The following NOTCH4 variants were observed in gnomAD, a reference collection of about 807,000 sequenced individuals.
NOTCH4 encodes the protein neurogenic locus notch homolog protein 4.
Under a neutral mutation model 189.0 loss-of-function variants are expected in NOTCH4, and 138 were observed. The ratio of observed to expected loss-of-function variants is 0.73; its 90% CI spans 0.64 to 0.84. The LOEUF (loss-of-function observed/expected upper bound fraction) is 0.84, where lower values mean the gene tolerates loss of function less well. Ranked by LOEUF, NOTCH4 falls within the 40% of genes least tolerant of loss-of-function variation. The probability of loss-of-function intolerance (pLI) is 0.00; values close to 1 mark genes in which losing one functional copy is unlikely to be tolerated. For missense variants in NOTCH4, 2,286 were observed against 2,605.4 expected, an observed-to-expected ratio of 0.88 and a Z score of 2.67; for synonymous variants, 942 against 1,032.8, an observed-to-expected ratio of 0.91 and a Z score of 1.69.
rs1269489067 is a variant in NOTCH4 at position 32,198,432 on chromosome 6, G to C, written c.4745C>G (p.Thr1582Ser). 1 of 1,612,696 alleles carries C rather than the reference G, an allele frequency of 6.2e-7. No homozygotes were observed. The highest frequency in any genetic ancestry group is 1.1e-5 in the South Asian group (1 of 91,064). The part of the protein sequence containing the change: ...ESEMEAPDLD[T>S]RGPDGVTPLM... Reference sequence around the variant, plus strand: ...GTTGACTCACATACCAGGTCCACGGGTGTCCAGGTCAGGGGCTTCCATCTC... The same window carrying C: ...GTTGACTCACATACCAGGTCCACGGCTGTCCAGGTCAGGGGCTTCCATCTC... The change falls in exon 26 of 30, where the codon ACC becomes AGC. Residue 1582 changes from threonine (T) to serine (S), a missense_variant. Coordinates refer to ENST00000375023, the MANE Select transcript of NOTCH4 (RefSeq NM_004557.4). The surrounding 1 kb of genome is among the most constrained non-coding windows in gnomAD (Gnocchi z 5.5).
chr6:32,220,055 A>C, intron 7 of NOTCH4, 74 bp downstream of exon 7: 1 of 1,459,424 alleles, frequency 6.9e-7, no homozygotes, highest in Non-Finnish European at 9.3e-7. Context: ...TGGAAAAGCA[A>C]TCTGCCCTTT....
rs1788487869 is a variant in NOTCH4, at chr6:32,203,585, A to G, written c.3231+185T>C. The G allele has an allele frequency of 2.2e-5, 12 of 557,204 alleles. No homozygotes were observed. In the South Asian group the frequency reaches 3.0e-4, roughly 14 times the overall value. The allele number at this position is 557,204 out of a possible 1,614,324, so 34.5% of individuals were successfully genotyped here. A position where few individuals can be genotyped will look rare whatever the true frequency, so the allele number is the denominator to read the frequency against. On this transcript the variant is annotated intron_variant, in intron 20 of 29. Transcript: ENST00000375023. ...GATTTTTGAAAATTCCATTCATGCT[A>G]TCAACTGATCCTGCCTTGCCTTTGA... is the stretch of plus-strand genomic sequence containing the variant.
Position 32,197,570 on chromosome 6 carries a change from G to T in NOTCH4, c.4781C>A (p.Ala1594Glu). 1.2e-6 allele frequency: 2 copies of T among 1,612,356 alleles called. No individual in the cohort carries two copies. Among genetic ancestry groups the T allele is most frequent in the East Asian group, 2.2e-5 (1 of 44,788 alleles). ...GGACTGTACTTCCCCACAGCAAACT[G>T]CTGACATCAGGGGTGTCACCCCATC... ...GPDGVTPLMS[A>E]VCCGEVQSGT... The change falls in exon 27 of 30, where the codon GCA becomes GAA. Residue 1594 changes from alanine to glutamate, a missense_variant. Ala to Glu is a moderately radical substitution (Grantham distance 107, BLOSUM62 -1). Transcript: ENST00000375023.
rs1305407159 is a variant in NOTCH4, at chr6:32,212,028, T to C, written c.2680+446A>G. 6.6e-6 allele frequency among the ~76,000 whole-genome samples: 1 copy of C among 152,202 alleles called. No individual in the cohort carries two copies. The highest frequency in any genetic ancestry group is 2.4e-5 in the African/African-American group (1 of 41,448). ...ATCCCTTAACTCCATCATAATCTCT[T>C]TCCCGAGCTCTTCTCATATCAAACC... On this transcript the variant is annotated intron_variant, in intron 17 of 29. Transcript: ENST00000375023. The surrounding 1 kb of genome is among the most constrained non-coding windows in gnomAD (Gnocchi z 4.4).
In NOTCH4 at chr6:32,223,057, A is replaced by G; in HGVS notation, c.103T>C (p.Cys35Arg). The part of the protein sequence containing the change: ...GLLCGSFPEP[C>R]ANGGTCLSLS... ...CTCAGGCAGGTGCCTCCATTGGCAC[A>G]GGGTTCTGGGAAACTCCCACACAGC... is the stretch of plus-strand genomic sequence containing the variant. The change falls in exon 2 of 30, where the codon TGT (cysteine) becomes CGT (arginine). Residue 35 changes from cysteine to arginine, a missense_variant. Cys to Arg is a radical substitution (Grantham distance 180). Transcript: ENST00000375023. 6.2e-7 allele frequency: 1 copy of G among 1,613,830 alleles called. No individual in the cohort carries two copies. Among genetic ancestry groups the G allele is most frequent in the African/African-American group, 1.3e-5 (1 of 74,912 alleles).
At position 32,205,547 on chromosome 6, in the gene NOTCH4, C is replaced by CAAAA. The variant is rs9281672; in HGVS notation, c.2866-1162_2866-1159dup. On this transcript the variant is annotated intron_variant, in intron 18 of 29. Coordinates refer to ENST00000375023, the MANE Select transcript of NOTCH4 (RefSeq NM_004557.4). ...GGGGCAACAGAGTGAGATGCTGTCTCAAAAAAAAAAAAAAAAAAAAAAAAA... is the reference window on the plus strand; with the variant it reads ...GGGGCAACAGAGTGAGATGCTGTCTCAAAAAAAAAAAAAAAAAAAAAAAAAAAAA... 1.3e-3 allele frequency among the ~76,000 whole-genome samples: 70 copies of CAAAA among 52,086 alleles called. 1 individual carries two copies. Among genetic ancestry groups the CAAAA allele is most frequent in the South Asian group, 2.3e-3 (2 of 854 alleles). The allele number at this position is 52,086 out of a possible 152,430, so 34.2% of individuals were successfully genotyped here. A position where few individuals can be genotyped will look rare whatever the true frequency, so the allele number is the denominator to read the frequency against.
Position 32,217,648 on chromosome 6 carries a change from G to A in NOTCH4, c.1624+347C>T, listed in dbSNP as rs547147991. Among the ~76,000 whole-genome samples, 1 of 152,324 alleles carries A rather than the reference G, an allele frequency of 6.6e-6. No homozygotes were observed. The highest frequency in any genetic ancestry group is 6.5e-5 in the Admixed American group (1 of 15,308). On this transcript the variant is annotated intron_variant, in intron 9 of 29. Transcript: ENST00000375023. This position sits in a 1 kb window ranked among gnomAD's most constrained non-coding sequence, Gnocchi z 4.2. Reference sequence around the variant, plus strand: ...TTATAATAGCAGGGGACAGAGGAGTGTCCGGTGAGGCTGGAGAAGAAAGGC... The same window carrying A: ...TTATAATAGCAGGGGACAGAGGAGTATCCGGTGAGGCTGGAGAAGAAAGGC...
chr6:32,196,843 G>T, intron 28 of NOTCH4, 82 bp downstream of exon 28: 2 of 1,526,502 alleles, frequency 1.3e-6, no homozygotes, highest in Non-Finnish European at 1.8e-6. Flanking sequence ...ATGCCCCTCT[G>T]CTGCACCTAT....
intron 11 of NOTCH4, among the ~76,000 whole-genome samples, chr6:32,215,603 A>G (rs146928816): frequency 6.6e-6 from 1 of 152,330 alleles, no homozygotes; most frequent in African/African-American, 2.4e-5. Context: ...TGACATTTGT[A>G]CAACAGCTGT....
chr6:32,209,743 C>T (rs1261541884), intron 18 of NOTCH4, among the ~76,000 whole-genome samples: 2 of 151,862 alleles, frequency 1.3e-5, no homozygotes, highest in Non-Finnish European at 2.9e-5. Flanking sequence ...ATTAGCCAGG[C>T]GTGGTGGCGC....
In NOTCH4 at chr6:32,196,941, C is replaced by T; in HGVS notation, c.5184G>A (p.Gly1728=). ...TCTACATACCCCATTTATCTCTGGC[C>T]CCCACGTCTGCTTGGGCTGCAATCA... is the stretch of plus-strand genomic sequence containing the variant. ...EELIAAQADV[G]ARDKWGKTAL... Residue 1728 remains glycine, a synonymous_variant, in exon 28 of 30, where the codon GGG becomes GGA. Coordinates refer to ENST00000375023, the MANE Select transcript of NOTCH4 (RefSeq NM_004557.4). The T allele has an allele frequency of 6.2e-7, 1 of 1,613,006 alleles. No homozygotes were observed. Among genetic ancestry groups the T allele is most frequent in the East Asian group, 2.2e-5 (1 of 44,870 alleles).
At position 32,223,925 on chromosome 6, in the gene NOTCH4, G is replaced by A; in HGVS notation, c.4C>T (p.Gln2Ter). 6.3e-7 allele frequency: 1 copy of A among 1,590,772 alleles called. No homozygotes were observed. The part of the protein sequence containing the change: M[Q>*]PPSLLLLLLL... Reference sequence around the variant, plus strand: ...AGCAGCAGCAGCAGTGAAGGGGGCTGCATTCCACAGCCCCTTCTCCAAGCC... The same window carrying A: ...AGCAGCAGCAGCAGTGAAGGGGGCTACATTCCACAGCCCCTTCTCCAAGCC... The change falls in exon 1 of 30, where the codon CAG becomes TAG. Residue 2 changes from glutamine to a stop codon, truncating the protein, a stop_gained. Coordinates refer to ENST00000375023, the MANE Select transcript of NOTCH4 (RefSeq NM_004557.4). LOFTEE classifies it high-confidence loss of function.
At position 32,195,589 on chromosome 6, in the gene NOTCH4, C is replaced by T; in HGVS notation, c.5860G>A (p.Val1954Met). 6.2e-7 allele frequency: 1 copy of T among 1,613,148 alleles called. No individual in the cohort carries two copies. Among genetic ancestry groups the T allele is most frequent in the Non-Finnish European group, 8.5e-7 (1 of 1,180,046 alleles). Residue 1954 changes from valine (V) to methionine (M), a missense_variant, in exon 30 of 30, where the codon GTG (valine) becomes ATG (methionine). Physicochemically the swap from Val to Met is conservative, Grantham distance 21. This residue lies in a region of NOTCH4 where 383 missense variants were observed against 343.5 expected (regional missense o/e 1.11). Transcript: ENST00000375023. This position sits in a 1 kb window ranked among gnomAD's most constrained non-coding sequence, Gnocchi z 5.4. The stretch of plus-strand genomic sequence containing the variant: ...GCAGAACCGCAAGCTCCCAGGGCCA[C>T]CCAATCACAGGGCCAGTCATCCGTT... ...VSTDDWPCDW[V>M]ALGACGSASN...
In NOTCH4 at chr6:32,219,690, C is replaced by A. The variant is rs1255759249; in HGVS notation, c.1412G>T (p.Arg471Leu). Residue 471 changes from arginine (R) to leucine (L), a missense_variant, in exon 8 of 30, where the codon CGT becomes CTT. This residue lies in a region of NOTCH4 where 1,903 missense variants were observed against 2,261.9 expected (regional missense o/e 0.84). Coordinates refer to ENST00000375023, the MANE Select transcript of NOTCH4 (RefSeq NM_004557.4). ...GCACTCATTGTGATCAGCCTCACAA[C>A]GGGAGCCTGTGTAGCCAGGTGGACA... ...CLCPPGYTGS[R>L]CEADHNECLS... 1.9e-6 allele frequency: 3 copies of A among 1,612,940 alleles called. No individual in the cohort carries two copies. Among genetic ancestry groups the A allele is most frequent in the African/African-American group, 1.3e-5 (1 of 74,898 alleles).
Position 32,220,214 on chromosome 6 carries a change from G to T in NOTCH4, c.1230C>A (p.Asn410Lys). 2 of 1,613,904 alleles carry T rather than the reference G, an allele frequency of 1.2e-6. No individual in the cohort carries two copies. The highest frequency in any genetic ancestry group is 1.7e-5 in the Admixed American group (1 of 59,944). The change falls in exon 7 of 30, where the codon AAC becomes AAA. Residue 410 changes from asparagine to lysine, a missense_variant. Physicochemically the swap from Asn to Lys is moderately conservative, Grantham distance 94. Around this residue, in one of 2 missense-constraint regions of NOTCH4, gnomAD observed 1,903 missense variants for 2,261.9 expected, o/e 0.84. Transcript: ENST00000375023. Reference sequence around the variant, plus strand: ...GGCAGAGTGTGGAGCCTGTGAGGGGGTTGGTGCTGCATTGGGCATCCCCAT... The same window carrying T: ...GGCAGAGTGTGGAGCCTGTGAGGGGTTTGGTGCTGCATTGGGCATCCCCAT... Reference protein sequence around the residue: ...PCHGDAQCSTNPLTGSTLCLC... With the variant: ...PCHGDAQCSTKPLTGSTLCLC...
intron 20 of NOTCH4, chr6:32,203,523 T>C (rs1287366191): frequency 1.3e-5 from 7 of 519,730 alleles, no homozygotes; most frequent in Middle Eastern, 4.8e-4. Flanking sequence ...CAGCTTGAGC[T>C]TGGGGAGCTC....
Position 32,198,383 on chromosome 6 carries a change from C to T in NOTCH4, c.4756+38G>A. The T allele has an allele frequency of 8.1e-7, 1 of 1,241,900 alleles. No homozygotes were observed. The highest frequency in any genetic ancestry group is 2.6e-5 in the East Asian group (1 of 37,928). The allele number at this position is 1,241,900 out of a possible 1,614,324, so 76.9% of individuals were successfully genotyped here. A position where few individuals can be genotyped will look rare whatever the true frequency, so the allele number is the denominator to read the frequency against. On this transcript the variant is annotated intron_variant, in intron 26 of 29. Transcript: ENST00000375023. The surrounding 1 kb of genome is among the most constrained non-coding windows in gnomAD (Gnocchi z 5.5). ...CTCTGATTCTAATAGGGTCAAAGGA[C>T]TTTTTTTTTTTTTCTTGGTCTGGGT...
At chr6:32,196,201 T>G in intron 29 of NOTCH4, 51 bp from the exon 30 acceptor site, 1 of 1,601,322 alleles carries the variant, frequency 6.2e-7, no homozygotes, top group Non-Finnish European at 8.5e-7. Context: ...CCCACAGGAC[T>G]GGGCCTTTCT....
intron 12 of NOTCH4, 36 bp from the exon 13 acceptor site, chr6:32,214,291 C>T (rs759704583): frequency 1.2e-6 from 2 of 1,607,204 alleles, no homozygotes; most frequent in East Asian, 2.2e-5. Flanking sequence ...TTTTTCTCTT[C>T]TCCTACTGCT....
Sources: allele counts gnomAD v4.1 joint callset (sites outside exome capture counted in the v4.1 genomes callset), GRCh38; gene constraint gnomAD v4.1.1; regional missense constraint gnomAD v4.1.1; non-coding constraint Gnocchi (gnomAD v3.1); transcripts MANE v1.5; gene names NCBI Gene and HGNC (gene_info 2026-07-23, HGNC 2026-07-21).